The following ZFYVE9 variants were observed in gnomAD, a reference collection of about 807,000 sequenced individuals.
ZFYVE9 encodes zinc finger FYVE-type containing 9.
A neutral mutation model predicts 126.7 loss-of-function variants in ZFYVE9; 43 were observed. That is an observed-to-expected ratio of 0.34 (90% confidence interval 0.27 to 0.44). The LOEUF (loss-of-function observed/expected upper bound fraction) is 0.44. ZFYVE9 is among the 20% of genes least tolerant of loss of function. ZFYVE9 has a pLI of 1.00. For missense variants in ZFYVE9, 1,476 were observed against 1,697.0 expected, an observed-to-expected ratio of 0.87 and a Z score of 2.29; for synonymous variants, 521 against 597.4, an observed-to-expected ratio of 0.87 and a Z score of 1.87.
At position 52,263,831 on chromosome 1, in the gene ZFYVE9, A is replaced by T; in HGVS notation, c.2237A>T (p.Glu746Val). The T allele has an allele frequency of 6.5e-7, 1 of 1,531,368 alleles. No homozygotes were observed. The highest frequency in any genetic ancestry group is 8.8e-7 in the Non-Finnish European group (1 of 1,130,460). The allele number at this position is 1,531,368 out of a possible 1,614,324, so 94.9% of individuals were successfully genotyped here. A position where few individuals can be genotyped will look rare whatever the true frequency, so the allele number is the denominator to read the frequency against. The part of the protein sequence containing the change: ...KCKLLYMDRK[E>V]ARVCVICHSV... ...AAACTGTTATACATGGACAGAAAGG[A>T]AGCTAGAGTGTGTGTAATCTGCCAT... Residue 746 changes from glutamate to valine, a missense_variant, in exon 5 of 19, where the codon GAA (glutamate) becomes GTA (valine). Coordinates refer to ENST00000287727, the MANE Select transcript of ZFYVE9 (RefSeq NM_004799.4).
At chr1:52,209,895 A>G (rs1354469025) in intron 1 of ZFYVE9, among the ~76,000 whole-genome samples, 1 of 152,324 alleles carries the variant, frequency 6.6e-6, no homozygotes, top group African/African-American at 2.4e-5. Flanking sequence ...AAGTATGGAA[A>G]TGATACAATC....
At position 52,252,974 on chromosome 1, in the gene ZFYVE9, G is replaced by C. The variant is rs200787920; in HGVS notation, c.2179-10799G>C. Among the ~76,000 whole-genome samples, 12 of 152,188 alleles carry C rather than the reference G, an allele frequency of 7.9e-5. No individual in the cohort carries two copies. The East Asian group carries it at 2.3e-3, about 29-fold the overall frequency. On this transcript the variant is annotated intron_variant, in intron 4 of 18. Coordinates refer to ENST00000287727, the MANE Select transcript of ZFYVE9 (RefSeq NM_004799.4). ...CACGCCTGTAATCCCAGCACTTTGG[G>C]AGGCCAAGGCAGGCAGATCACTTGA...
intron 1 of ZFYVE9, among the ~76,000 whole-genome samples, chr1:52,176,553 G>A (rs578242929): frequency 2.8e-4 from 43 of 152,290 alleles, no homozygotes; most frequent in African/African-American, 9.9e-4. Flanking sequence ...GTCTGCAGAG[G>A]TTACTGCTGT....
intron 1 of ZFYVE9, among the ~76,000 whole-genome samples, chr1:52,194,205 A>G (rs2124559391): frequency 6.6e-6 from 1 of 152,352 alleles, no homozygotes. Flanking sequence ...AATAGATTCT[A>G]GATGATGAAA....
At chr1:52,216,288 T>C (rs1645071841) in intron 1 of ZFYVE9, 81 bp from the exon 2 acceptor site, 3 of 397,648 alleles carry the variant, frequency 7.5e-6, no homozygotes, top group Non-Finnish European at 8.9e-6. Context: ...CTTTCATTTG[T>C]CTGGCTATGG....
At chr1:52,181,069 T>TCCCTCA (rs1644696147) in intron 1 of ZFYVE9, among the ~76,000 whole-genome samples, 2 of 150,190 alleles carry the variant, frequency 1.3e-5, no homozygotes, top group South Asian at 4.3e-4. Context: ...CCTCTCCCTC[T>TCCCTCA]CCCTCACTTT....
At chr1:52,312,752 G>A (rs142655442) in intron 13 of ZFYVE9, among the ~76,000 whole-genome samples, 2 of 152,120 alleles carry the variant, frequency 1.3e-5, no homozygotes, top group East Asian at 1.9e-4. Context: ...AGGGGTGTAC[G>A]GTTCTCCCTG....
At chr1:52,168,060 GCTTC>G (rs1486148152) in intron 1 of ZFYVE9, among the ~76,000 whole-genome samples, 4 of 151,738 alleles carry the variant, frequency 2.6e-5, no homozygotes, top group Non-Finnish European at 4.4e-5. Context: ...GAAATTTGGG[GCTTC>G]CTTAGGAGTT....
intron 17 of ZFYVE9, among the ~76,000 whole-genome samples, chr1:52,343,376 G>T (rs1397892949): frequency 6.6e-6 from 1 of 152,030 alleles, no homozygotes; most frequent in Non-Finnish European, 1.5e-5. Flanking sequence ...AACCTGGGAG[G>T]TGGAGGCTGC....
intron 4 of ZFYVE9, among the ~76,000 whole-genome samples, chr1:52,242,457 C>T (rs940685175): frequency 6.6e-6 from 1 of 152,142 alleles, no homozygotes; most frequent in Non-Finnish European, 1.5e-5. Context: ...GCTGTATCCT[C>T]AGCCCTAGAA....
rs552691889 is a variant in ZFYVE9, at chr1:52,185,712, A to G, written c.-142-30657A>G. ...GCCAAGGCGGGCAGATCACAAGGTC[A>G]AGAAATCGAGACCATCCTGGCCAAC... On this transcript the variant is annotated intron_variant, in intron 1 of 18. Transcript: ENST00000287727. Among the ~76,000 whole-genome samples the G allele has an allele frequency of 2.0e-5, 3 of 152,266 alleles. No individual in the cohort carries two copies. The South Asian group carries it at 6.2e-4, about 32-fold the overall frequency.
intron 15 of ZFYVE9, 107 bp from the exon 16 acceptor site, chr1:52,337,665 C>A (rs984633244): frequency 7.7e-7 from 1 of 1,294,388 alleles, no homozygotes; most frequent in Non-Finnish European, 1.1e-6. Context: ...CTGTATCAGT[C>A]AGCTTTGGAA....
intron 7 of ZFYVE9, among the ~76,000 whole-genome samples, chr1:52,272,673 CTTTT>C (rs58857376): frequency 7.4e-5 from 9 of 121,256 alleles, no homozygotes; most frequent in African/African-American, 1.7e-4. Context: ...TAGAAATAAT[CTTTT>C]TTTTTTTTTT....
intron 1 of ZFYVE9, among the ~76,000 whole-genome samples, chr1:52,195,089 G>T (rs1250631948): frequency 6.6e-6 from 1 of 152,084 alleles, no homozygotes; most frequent in Non-Finnish European, 1.5e-5. Flanking sequence ...AGTGCTTACT[G>T]CATCTGTAGT....
intron 8 of ZFYVE9, among the ~76,000 whole-genome samples, chr1:52,277,495 G>A (rs757647783): frequency 2.6e-5 from 4 of 151,680 alleles, no homozygotes; most frequent in Non-Finnish European, 5.9e-5. Flanking sequence ...TATTCCAGTG[G>A]GATGACTTTA....
chr1:52,330,063 C>CT (rs1646326591), intron 13 of ZFYVE9, among the ~76,000 whole-genome samples: 1 of 151,484 alleles, frequency 6.6e-6, no homozygotes, highest in Non-Finnish European at 1.5e-5. Flanking sequence ...ACCATAGTCT[C>CT]TAAAAAAAAG....
chr1:52,157,594 G>T (rs1484829232), intron 1 of ZFYVE9, among the ~76,000 whole-genome samples: 5 of 151,120 alleles, frequency 3.3e-5, no homozygotes, highest in African/African-American at 1.2e-4. Context: ...TAGAGACGGG[G>T]GTTTTCACTA....
intron 13 of ZFYVE9, among the ~76,000 whole-genome samples, chr1:52,322,481 G>A (rs1236153417): frequency 6.7e-6 from 1 of 149,556 alleles, no homozygotes; most frequent in East Asian, 2.0e-4. Context: ...GGGTTCAAGC[G>A]ATTCTTCTTC....
At chr1:52,306,447 C>T (rs761819145) in intron 13 of ZFYVE9, among the ~76,000 whole-genome samples, 2 of 152,208 alleles carry the variant, frequency 1.3e-5, no homozygotes, top group Non-Finnish European at 2.9e-5. Flanking sequence ...TCCTCTATTA[C>T]GTCACTCATA....
Sources: allele counts gnomAD v4.1 joint callset (sites outside exome capture counted in the v4.1 genomes callset), GRCh38; gene constraint gnomAD v4.1.1; transcripts MANE v1.5; gene names NCBI Gene and HGNC (gene_info 2026-07-23, HGNC 2026-07-21).